The following TMEM80 variants were observed in gnomAD, a reference collection of about 807,000 sequenced individuals.
The protein encoded by TMEM80 is transmembrane protein 80.
Under a neutral mutation model 13.6 loss-of-function variants are expected in TMEM80, and 16 were observed. The ratio of observed to expected loss-of-function variants is 1.17; its 90% CI spans 0.79 to 1.78. The LOEUF (loss-of-function observed/expected upper bound fraction) is 1.78, where lower values mean the gene tolerates loss of function less well. Ranked by LOEUF, TMEM80 falls within the 40% of genes most tolerant of loss-of-function variation. The pLI, the probability that TMEM80 is intolerant of heterozygous loss-of-function variation, is 0.00. For missense variants in TMEM80, 167 were observed against 184.6 expected (o/e 0.90, Z 0.55); for synonymous variants, 92 against 89.5 (o/e 1.03, Z -0.16).
At chr11:700,356 A>G in intron 3 of TMEM80, 121 bp downstream of exon 3, 2 of 936,260 alleles carry the variant, frequency 2.1e-6, no homozygotes, top group Non-Finnish European at 3.3e-6. Flanking sequence ...GGGAAACCCC[A>G]TCTCTACTAA....
intron 4 of TMEM80, among the ~76,000 whole-genome samples, chr11:701,978 G>A (rs1156248532): frequency 2.6e-5 from 4 of 152,176 alleles, no homozygotes; most frequent in Non-Finnish European, 5.9e-5. Flanking sequence ...CTAAACACAC[G>A]TGTTTGTGAA....
At chr11:698,727 C>A in intron 1 of TMEM80, 142 bp from the exon 2 acceptor site, 4 of 937,402 alleles carry the variant, frequency 4.3e-6, no homozygotes, top group South Asian at 4.2e-5. Context: ...TAGTGGCAGG[C>A]CCACGGTATA....
intron 4 of TMEM80, among the ~76,000 whole-genome samples, chr11:702,683 C>G (rs1445708446): frequency 6.6e-6 from 1 of 152,246 alleles, no homozygotes; most frequent in Non-Finnish European, 1.5e-5. Context: ...ACACAGCCGA[C>G]CCAGAAGACC....
Sources: allele counts gnomAD v4.1 joint callset (sites outside exome capture counted in the v4.1 genomes callset), GRCh38; gene constraint gnomAD v4.1.1; transcripts MANE v1.5; gene names NCBI Gene and HGNC (gene_info 2026-07-23, HGNC 2026-07-21).